ACKR2: variants seen among roughly 807,000 people sequenced by gnomAD.
ACKR2 encodes the protein atypical chemokine receptor 2.
For missense variants in ACKR2, 457 were observed against 477.3 expected, an observed-to-expected ratio of 0.96 and a Z score of 0.40; for synonymous variants, 207 against 192.2, an observed-to-expected ratio of 1.08 and a Z score of -0.64.
chr3:42,818,631 G>A (rs1575374572), intron 1 of ACKR2, among the ~76,000 whole-genome samples: 1 of 152,070 alleles, frequency 6.6e-6, no homozygotes, highest in Non-Finnish European at 1.5e-5. Context: ...GCGCGATCTC[G>A]GCTCACTGCA....
intron 2 of ACKR2, among the ~76,000 whole-genome samples, chr3:42,848,418 A>T (rs1453392245): frequency 6.6e-6 from 1 of 151,972 alleles, no homozygotes; most frequent in South Asian, 2.1e-4. Flanking sequence ...AGGTTTCGCC[A>T]TGTTGCCCAG....
At chr3:42,862,456 A>G (rs2088394087) in intron 2 of ACKR2, among the ~76,000 whole-genome samples, 3 of 152,238 alleles carry the variant, frequency 2.0e-5, no homozygotes, top group Non-Finnish European at 2.9e-5. Context: ...TATAGATTCA[A>G]TGCTATCCCC....
chr3:42,845,718 G>A (rs548618972), intron 2 of ACKR2, among the ~76,000 whole-genome samples: 94 of 151,920 alleles, frequency 6.2e-4, no homozygotes, highest in Non-Finnish European at 8.4e-4. Context: ...GCATGGTGGC[G>A]CATGCCTGTC....
At position 42,852,658 on chromosome 3, in the gene ACKR2, C is replaced by A. The variant is rs891572516; in HGVS notation, c.-37-11808C>A. 6.6e-6 allele frequency among the ~76,000 whole-genome samples: 1 copy of A among 152,150 alleles called. No homozygotes were observed. Among genetic ancestry groups the A allele is most frequent in the Non-Finnish European group, 1.5e-5 (1 of 68,030 alleles). On this transcript the variant is annotated intron_variant, in intron 2 of 2. Coordinates refer to ENST00000422265, the MANE Select transcript of ACKR2 (RefSeq NM_001296.5). The surrounding 1 kb of genome is among the most constrained non-coding windows in gnomAD (Gnocchi z 4.3). ...AATGGACAAGGCCACTCCCTTCCAGCCAGACTTTGTGTAATCTGGTGTACC... is the reference window on the plus strand; with the variant it reads ...AATGGACAAGGCCACTCCCTTCCAGACAGACTTTGTGTAATCTGGTGTACC...
intron 2 of ACKR2, among the ~76,000 whole-genome samples, chr3:42,860,164 C>CAAAAGAAAAAAAAAAAAA (rs2088367396): frequency 1.2e-4 from 1 of 8,050 alleles, no homozygotes; most frequent in Non-Finnish European, 2.7e-4. Flanking sequence ...AAATGGAAAG[C>CAAAAGAAAAAAAAAAAAA]AAAAAAAAAA....
intron 2 of ACKR2, among the ~76,000 whole-genome samples, chr3:42,845,217 CT>C (rs1057464361): frequency 6.6e-6 from 1 of 152,180 alleles, no homozygotes; most frequent in Non-Finnish European, 1.5e-5. Context: ...CTGGGGAATG[CT>C]TTTTTAGTTT....
intron 2 of ACKR2, among the ~76,000 whole-genome samples, chr3:42,862,269 A>G (rs573779482): frequency 6.6e-6 from 1 of 152,356 alleles, no homozygotes; most frequent in Admixed American, 6.5e-5. Context: ...AAATGCTACA[A>G]AGAGAATAAA....
At chr3:42,812,680 C>CTTTTTTTTTTTTTTTTTTTTTTT (rs71616070) in intron 1 of ACKR2, among the ~76,000 whole-genome samples, 3 of 72,758 alleles carry the variant, frequency 4.1e-5, no homozygotes, top group Non-Finnish European at 4.7e-5. Context: ...AATTTTCAGC[C>CTTTTTTTTTTTTTTTTTTTTTTT]TTTTTTTTTT....
intron 2 of ACKR2, among the ~76,000 whole-genome samples, chr3:42,846,343 T>C (rs1701097094): frequency 6.6e-6 from 1 of 152,184 alleles, no homozygotes; most frequent in Admixed American, 6.5e-5. Flanking sequence ...TCCAGAGACC[T>C]TGAAAATATT....
chr3:42,816,182 A>G (rs544217747), intron 1 of ACKR2, among the ~76,000 whole-genome samples: 2 of 127,928 alleles, frequency 1.6e-5, no homozygotes, highest in South Asian at 2.8e-4. Flanking sequence ...AACACAATTG[A>G]TAGTTTCGTG....
At chr3:42,845,410 T>C (rs754495133) in intron 2 of ACKR2, among the ~76,000 whole-genome samples, 29 of 152,124 alleles carry the variant, frequency 1.9e-4, no homozygotes, top group Non-Finnish European at 3.5e-4. Context: ...GTCACCTAGG[T>C]TGGTGCAGTG....
Position 42,865,350 on chromosome 3 carries a change from AC to A in ACKR2, c.849del (p.Cys284ValfsTer7), listed in dbSNP as rs771149260. ...CTGTTGGACCTGCAAGTATTCGGGAACTGTGAGGTCAGCCAGCATCTAGACT... is the reference window on the plus strand; with the variant it reads ...CTGTTGGACCTGCAAGTATTCGGGAATGTGAGGTCAGCCAGCATCTAGACT... ...HTLLDLQVFG[N>X]CEVSQHLDYA... On this transcript the variant is annotated frameshift_variant, in exon 3 of 3. Coordinates refer to ENST00000422265, the MANE Select transcript of ACKR2 (RefSeq NM_001296.5). LOFTEE classifies it low-confidence loss of function (END_TRUNC). The A allele has an allele frequency of 6.2e-7, 1 of 1,614,108 alleles. No homozygotes were observed. Among genetic ancestry groups the A allele is most frequent in the South Asian group, 1.1e-5 (1 of 91,072 alleles).
chr3:42,836,052 A>G (rs1459331430), intron 2 of ACKR2: 3 of 152,140 alleles, frequency 2.0e-5, no homozygotes, highest in African/African-American at 7.2e-5. Context: ...CCCCTGAGAA[A>G]GGCAGGTATT....
At chr3:42,860,183 A>AAAAAAAAAAAAAAAAAAAAAAAAC (rs2088369038) in intron 2 of ACKR2, among the ~76,000 whole-genome samples, 1 of 145,014 alleles carries the variant, frequency 6.9e-6, no homozygotes, top group Non-Finnish European at 1.5e-5. Flanking sequence ...AAAAAAAAAA[A>AAAAAAAAAAAAAAAAAAAAAAAAC]AAAAAAGCAG....
chr3:42,825,602 C>A (rs201981851), intron 2 of ACKR2, among the ~76,000 whole-genome samples: 8 of 69,634 alleles, frequency 1.1e-4, no homozygotes, highest in Non-Finnish European at 2.4e-4. Flanking sequence ...TGTGTGTGTG[C>A]GTGTGTGTGT....
chr3:42,845,886 CAAAAG>C (rs1049626493), intron 2 of ACKR2, among the ~76,000 whole-genome samples: 2 of 145,234 alleles, frequency 1.4e-5, no homozygotes, highest in African/African-American at 2.6e-5. Flanking sequence ...AAAAAGAAAA[CAAAAG>C]AAAAGAGAAA....
intron 2 of ACKR2, among the ~76,000 whole-genome samples, chr3:42,840,832 C>T (rs780718475): frequency 3.1e-4 from 47 of 152,178 alleles, no homozygotes; most frequent in Non-Finnish European, 5.1e-4. Flanking sequence ...GGATTACAGG[C>T]GCATGCCACC....
intron 2 of ACKR2, among the ~76,000 whole-genome samples, chr3:42,844,839 A>C (rs1701075984): frequency 6.6e-6 from 1 of 152,168 alleles, no homozygotes. Context: ...CAGTTCCAGG[A>C]AACTGGTTAC....
rs1193533555 is a variant in ACKR2, at chr3:42,828,092, A to ATATAT, written c.-38+8382_-38+8383insATATT. Among the ~76,000 whole-genome samples the ATATAT allele has an allele frequency of 2.7e-3, 326 of 121,872 alleles. 1 individual carries two copies. Among genetic ancestry groups the ATATAT allele is most frequent in the Middle Eastern group, 0.014 (3 of 222 alleles). The allele number at this position is 121,872 out of a possible 152,430, so 80.0% of individuals were successfully genotyped here. A position where few individuals can be genotyped will look rare whatever the true frequency, so the allele number is the denominator to read the frequency against. ...GCTTGCATTATATATATATATATAT[A>ATATAT]TTTTTTTTTTTTTCTTTTCTTTTCT... On this transcript the variant is annotated intron_variant, in intron 2 of 2. Transcript: ENST00000422265.
Sources: allele counts gnomAD v4.1 joint callset (sites outside exome capture counted in the v4.1 genomes callset), GRCh38; gene constraint gnomAD v4.1.1; non-coding constraint Gnocchi (gnomAD v3.1); transcripts MANE v1.5; gene names NCBI Gene and HGNC (gene_info 2026-07-23, HGNC 2026-07-21).